NCOR2: variants seen among roughly 807,000 people sequenced by gnomAD.
NCOR2 encodes the protein nuclear receptor corepressor 2.
NCOR2 carries 81 observed loss-of-function variants against 262.9 expected under a neutral mutation model. That is an observed-to-expected ratio of 0.31 (90% CI 0.26 to 0.37). The LOEUF (loss-of-function observed/expected upper bound fraction) is 0.37. Ranked by LOEUF, NCOR2 falls within the 10% of genes least tolerant of loss-of-function variation. The pLI is 1.00. For synonymous variants in NCOR2, 1,659 were observed against 1,559.3 expected (o/e 1.06, Z -1.51); for missense variants, 3,385 against 3,621.4 (o/e 0.93, Z 1.68).
Position 124,378,223 on chromosome 12 carries a change from G to A in NCOR2, c.2167+14C>T, listed in dbSNP as rs3741515. On this transcript the variant is annotated intron_variant, in intron 18 of 46. Coordinates refer to ENST00000405201, the Ensembl canonical transcript of NCOR2. This position sits in a 1 kb window ranked among gnomAD's most constrained non-coding sequence, Gnocchi z 4.2. ...CACAGCTGCCAGCCACCTCCAAGCC[G>A]CGCCAGCCCTCACCTTCAGCCTCCT... 24 of 1,610,942 alleles carry A rather than the reference G, an allele frequency of 1.5e-5. No homozygotes were observed. Among genetic ancestry groups the A allele is most frequent in the South Asian group, 4.4e-5 (4 of 90,862 alleles).
chr12:124,377,754 G>T (rs2040118696), intron 18 of NCOR2, among the ~76,000 whole-genome samples: 1 of 151,362 alleles, frequency 6.6e-6, no homozygotes, highest in African/African-American at 2.4e-5. Context: ...CAGGAGAATT[G>T]CTTGAACCCG....
intron 1 of NCOR2, among the ~76,000 whole-genome samples, chr12:124,489,734 A>AT (rs2047977879): frequency 6.6e-6 from 1 of 152,210 alleles, no homozygotes; most frequent in Admixed American, 6.5e-5. Context: ...GGCCACCAGA[A>AT]AAAGCCATTC....
At chr12:124,357,638 C>T (rs1192766753) in intron 22 of NCOR2, among the ~76,000 whole-genome samples, 1 of 152,268 alleles carries the variant, frequency 6.6e-6, no homozygotes, top group African/African-American at 2.4e-5. Context: ...GGAGCGTGGC[C>T]ACATCTGTGC....
chr12:124,501,507 T>A (rs150804411), intron 1 of NCOR2, among the ~76,000 whole-genome samples: 248 of 152,248 alleles, frequency 1.6e-3, no homozygotes, highest in African/African-American at 5.3e-3. Flanking sequence ...GGGGAGGCCC[T>A]TCCTACTTCC....
intron 1 of NCOR2, among the ~76,000 whole-genome samples, chr12:124,565,262 G>A (rs864493): frequency 0.13 from 20,083 of 152,092 alleles, 1,468 homozygotes; most frequent in Non-Finnish European, 0.16. Flanking sequence ...CCCCATGTCT[G>A]GGCACCGGCA....
chr12:124,389,488 G>A lies in NCOR2; in HGVS notation c.1877-3601C>T, dbSNP rs954603124. On this transcript the variant is annotated intron_variant, in intron 16 of 46. Coordinates refer to ENST00000405201, the Ensembl canonical transcript of NCOR2. The surrounding 1 kb of genome is among the most constrained non-coding windows in gnomAD (Gnocchi z 4.4). ...TCAGCAGTGGTAAGAACAGATGAGGGTTCCAGAAAAACAGAGCTTCTCCAC... is the reference window on the plus strand; with the variant it reads ...TCAGCAGTGGTAAGAACAGATGAGGATTCCAGAAAAACAGAGCTTCTCCAC... Among the ~76,000 whole-genome samples, 1 of 152,188 alleles carries A rather than the reference G, an allele frequency of 6.6e-6. No homozygotes were observed. Among genetic ancestry groups the A allele is most frequent in the African/African-American group, 2.4e-5 (1 of 41,444 alleles).
intron 8 of NCOR2, among the ~76,000 whole-genome samples, chr12:124,436,534 T>C (rs1186414689): frequency 6.6e-6 from 1 of 152,210 alleles, no homozygotes; most frequent in Non-Finnish European, 1.5e-5. Flanking sequence ...TTCCCTACCA[T>C]GTCCCAGCAG....
chr12:124,340,046 T>C (rs773536939), exon 37 of NCOR2: 1 of 1,612,826 alleles, frequency 6.2e-7, no homozygotes, highest in Non-Finnish European at 8.5e-7. Context: ...GCGGTGATGA[T>C]ACCCTTCATG....
At chr12:124,520,209 T>TA (rs1413527279) in intron 1 of NCOR2, among the ~76,000 whole-genome samples, 3 of 152,302 alleles carry the variant, frequency 2.0e-5, no homozygotes, top group South Asian at 2.1e-4. Flanking sequence ...GGGATTCTGC[T>TA]ACTCTTACGC....
In NCOR2 at chr12:124,531,692, C is replaced by T. The variant is rs980916640; in HGVS notation, c.-118+3873G>A. Among the ~76,000 whole-genome samples, 1 of 152,060 alleles carries T rather than the reference C, an allele frequency of 6.6e-6. No individual in the cohort carries two copies. The highest frequency in any genetic ancestry group is 2.4e-5 in the African/African-American group (1 of 41,398). On this transcript the variant is annotated intron_variant, in intron 1 of 46. Coordinates refer to the NCOR2 transcript ENST00000404621. The surrounding 1 kb of genome is among the most constrained non-coding windows in gnomAD (Gnocchi z 4.5). ...CCCACCCAAGCAGGGCCCAGGGCCC[C>T]GTCCAACTGGGGTTAAAGCCGGTCC...
chr12:124,354,641 G>A, intron 25 of NCOR2, 59 bp from the exon 28 acceptor site: 1 of 1,434,002 alleles, frequency 7.0e-7, no homozygotes. Flanking sequence ...CGGGAGGCTT[G>A]TCCCCACCCA....
intron 15 of NCOR2, 149 bp downstream of exon 17, chr12:124,400,352 T>G: frequency 9.6e-7 from 1 of 1,046,188 alleles, no homozygotes; most frequent in East Asian, 2.4e-5. Flanking sequence ...GCACATCCAG[T>G]AGGTAGCGCT....
intron 39 of NCOR2, 96 bp downstream of exon 41, chr12:124,335,387 G>A (rs1327900837): frequency 2.8e-5 from 42 of 1,512,892 alleles, no homozygotes; most frequent in East Asian, 4.7e-5. Context: ...CAATTCCTTG[G>A]CCTTTAGGCA....
intron 13 of NCOR2, 31 bp from the exon 16 acceptor site, chr12:124,402,592 G>A (rs1251637652): frequency 1.3e-6 from 2 of 1,548,016 alleles, no homozygotes; most frequent in African/African-American, 1.4e-5. Flanking sequence ...GCAGAGGGGA[G>A]TGGGGAGGGA....
chr12:124,419,075 G>A (rs905207262), intron 13 of NCOR2, among the ~76,000 whole-genome samples: 4 of 152,096 alleles, frequency 2.6e-5, no homozygotes, highest in South Asian at 2.1e-4. Context: ...GCTCTGAGAC[G>A]ATGCTTCAAG....
chr12:124,377,467 T>C (rs905665117), intron 18 of NCOR2, among the ~76,000 whole-genome samples: 1 of 152,198 alleles, frequency 6.6e-6, no homozygotes, highest in Non-Finnish European at 1.5e-5. Flanking sequence ...AAAATAACTA[T>C]ATAACTTGTA....
At chr12:124,552,644 A>G (rs1340597253) in intron 1 of NCOR2, among the ~76,000 whole-genome samples, 1 of 152,182 alleles carries the variant, frequency 6.6e-6, no homozygotes, top group Non-Finnish European at 1.5e-5. Context: ...CAATGACCAC[A>G]AACTCGGTGA....
At chr12:124,433,863 C>CACACACACACACACACAA (rs2044141138) in intron 8 of NCOR2, among the ~76,000 whole-genome samples, 2 of 60,262 alleles carry the variant, frequency 3.3e-5, no homozygotes, top group Admixed American at 1.8e-4. Flanking sequence ...CACACACACA[C>CACACACACACACACACAA]ACACACACAC....
At position 124,532,353 on chromosome 12, in the gene NCOR2, C is replaced by T. The variant is rs956119426; in HGVS notation, c.-118+3212G>A. 4.6e-5 allele frequency among the ~76,000 whole-genome samples: 7 copies of T among 152,320 alleles called. No homozygotes were observed. The East Asian group carries it at 7.7e-4, about 17-fold the overall frequency. ...GTGGTGGGGCAGGGCATCCGGGCAG[C>T]GTCTGTCCTCTGTCAGGGGAGTGCA... On this transcript the variant is annotated intron_variant, in intron 1 of 46. Transcript: ENST00000404621.
Sources: allele counts gnomAD v4.1 joint callset (sites outside exome capture counted in the v4.1 genomes callset), GRCh38; gene constraint gnomAD v4.1.1; non-coding constraint Gnocchi (gnomAD v3.1); transcripts MANE v1.5; gene names NCBI Gene and HGNC (gene_info 2026-07-23, HGNC 2026-07-21).